Variants in CBFA2T3 observed in about 807,000 individuals in gnomAD.
CBFA2T3 encodes the protein transcriptional corepressor CBFA2T3.
CBFA2T3 carries 31 observed loss-of-function variants against 58.6 expected under a neutral mutation model. That is an observed-to-expected ratio of 0.53 (90% CI 0.40 to 0.71). The LOEUF is 0.71. CBFA2T3 is among the 30% of genes least tolerant of loss of function. CBFA2T3 has a pLI of 0.00. For synonymous variants in CBFA2T3, 531 were observed against 421.9 expected (o/e 1.26, Z -3.17); for missense variants, 1,076 against 963.1 (o/e 1.12, Z -1.55).
intron 1 of CBFA2T3, among the ~76,000 whole-genome samples, chr16:88,922,563 A>T (rs535073070): frequency 1.3e-5 from 2 of 152,350 alleles, no homozygotes; most frequent in African/African-American, 4.8e-5. Flanking sequence ...ACATTCTGCA[A>T]GCAGTCTGCC....
intron 1 of CBFA2T3, chr16:88,938,754 T>A (rs965073543): frequency 1.3e-5 from 2 of 152,122 alleles, no homozygotes; most frequent in Admixed American, 6.5e-5. Context: ...TGCTTCTGGT[T>A]CCTCCCTGCC....
At chr16:88,913,832 T>C (rs1970604075) in intron 1 of CBFA2T3, among the ~76,000 whole-genome samples, 1 of 152,170 alleles carries the variant, frequency 6.6e-6, no homozygotes, top group South Asian at 2.1e-4. Flanking sequence ...CTAAGGAACC[T>C]GAAAATCACA....
chr16:88,875,632 C>T lies in CBFA2T3; in HGVS notation c.*1344G>A, dbSNP rs376657173. On this transcript the variant is annotated 3_prime_UTR_variant, in exon 12 of 12. Transcript: ENST00000268679. The stretch of plus-strand genomic sequence containing the variant: ...GAGGTCGGAGCTGGGGTGAGGGGGC[C>T]GAGAGAGGTCGGAGGGCGCGGAGAG... 6.4e-5 allele frequency: 15 copies of T among 233,138 alleles called. No homozygotes were observed. The highest frequency in any genetic ancestry group is 6.0e-4 in the East Asian group (10 of 16,562). 14.4% of individuals were successfully genotyped at this position (233,138 alleles called of 1,614,324 possible).
rs143017183 is a variant in CBFA2T3, at chr16:88,899,295, C to A, written c.305-1143G>T. Among the ~76,000 whole-genome samples, 1,016 of 152,194 alleles carry A rather than the reference C, an allele frequency of 6.7e-3. 15 individuals carry two copies. Among genetic ancestry groups the A allele is most frequent in the African/African-American group, 0.023 (955 of 41,522 alleles). ...CACCCACCAGCCAGGGGCAGGGGTG[C>A]GGCCAACCACCTGGCTTTCACGGAA... On this transcript the variant is annotated intron_variant, in intron 2 of 11. Coordinates refer to ENST00000268679, the MANE Select transcript of CBFA2T3 (RefSeq NM_005187.6).
chr16:88,948,358 G>C (rs1464650101), intron 1 of CBFA2T3, among the ~76,000 whole-genome samples: 2 of 152,256 alleles, frequency 1.3e-5, no homozygotes, highest in Non-Finnish European at 2.9e-5. Flanking sequence ...GCAGAGAGAC[G>C]TTGGTCTTTC....
At chr16:88,963,590 A>G (rs1972422421) in intron 1 of CBFA2T3, among the ~76,000 whole-genome samples, 1 of 151,886 alleles carries the variant, frequency 6.6e-6, no homozygotes, top group African/African-American at 2.4e-5. Context: ...GTCTCTGTGG[A>G]TTTGTTATCG....
At chr16:88,935,916 T>A (rs1597754323) in intron 1 of CBFA2T3, among the ~76,000 whole-genome samples, 1 of 152,216 alleles carries the variant, frequency 6.6e-6, no homozygotes, top group East Asian at 1.9e-4. Flanking sequence ...GTGGTGTAGG[T>A]CACGCAGCTG....
At chr16:88,896,869 C>T (rs1167847819) in intron 3 of CBFA2T3, among the ~76,000 whole-genome samples, 2 of 152,282 alleles carry the variant, frequency 1.3e-5, no homozygotes, top group East Asian at 1.9e-4. Flanking sequence ...GCGGCCTGCT[C>T]GCCCTCGCCT....
chr16:88,961,632 C>T (rs372470809), intron 1 of CBFA2T3, among the ~76,000 whole-genome samples: 1 of 118,070 alleles, frequency 8.5e-6, no homozygotes. Flanking sequence ...GGCATTCCCA[C>T]TCCATAGTAA....
chr16:88,970,919 C>T (rs181067270), intron 1 of CBFA2T3, among the ~76,000 whole-genome samples: 5 of 152,040 alleles, frequency 3.3e-5, no homozygotes, highest in Non-Finnish European at 7.4e-5. Flanking sequence ...AGAGGAACAC[C>T]GAGGGAAGGA....
intron 11 of CBFA2T3, among the ~76,000 whole-genome samples, chr16:88,878,532 C>T (rs1047984608): frequency 2.6e-5 from 4 of 152,250 alleles, no homozygotes; most frequent in Non-Finnish European, 5.9e-5. Context: ...CCCAGGTGCA[C>T]GGGCACAAGC....
rs992177034 is a variant in CBFA2T3, at chr16:88,958,201, T to C, written c.151+18456A>G. Among the ~76,000 whole-genome samples, 1 of 152,106 alleles carries C rather than the reference T, an allele frequency of 6.6e-6. No individual in the cohort carries two copies. The highest frequency in any genetic ancestry group is 2.4e-5 in the African/African-American group (1 of 41,414). On this transcript the variant is annotated intron_variant, in intron 1 of 11. Transcript: ENST00000268679. This position sits in a 1 kb window ranked among gnomAD's most constrained non-coding sequence, Gnocchi z 4.0. ...GTCGGGGCCTCAGACGGCAGAAACCTATCCCGAGAGGAAAGGGCCCTGGGC... is the reference window on the plus strand; with the variant it reads ...GTCGGGGCCTCAGACGGCAGAAACCCATCCCGAGAGGAAAGGGCCCTGGGC...
intron 3 of CBFA2T3, among the ~76,000 whole-genome samples, chr16:88,895,382 A>C (rs1383562279): frequency 6.6e-6 from 1 of 152,140 alleles, no homozygotes; most frequent in East Asian, 1.9e-4. Flanking sequence ...CGCCCGGGTC[A>C]GGAAGCTGTG....
intron 2 of CBFA2T3, among the ~76,000 whole-genome samples, chr16:88,900,593 T>C (rs1006115347): frequency 5.3e-5 from 8 of 152,232 alleles, no homozygotes; most frequent in African/African-American, 1.9e-4. Context: ...GGGCTTCGTT[T>C]GAGTTTCAGA....
intron 1 of CBFA2T3, among the ~76,000 whole-genome samples, chr16:88,971,117 CT>C (rs200158469): frequency 2.6e-5 from 4 of 151,122 alleles, no homozygotes; most frequent in African/African-American, 9.7e-5. Flanking sequence ...CTCAATTTTC[CT>C]TTTTTTTTAA....
rs746325762 is a variant in CBFA2T3 at position 88,976,689 on chromosome 16, G to C, written c.119C>G (p.Ser40Cys). The change falls in exon 1 of 12, where the codon TCC becomes TGC. Residue 40 changes from serine (S) to cysteine (C), a missense_variant. Coordinates refer to ENST00000268679, the MANE Select transcript of CBFA2T3 (RefSeq NM_005187.6). ...ESGLLASAGC[S>C]APRGPRKGGP... is the part of the protein sequence containing the mutation. ...GCCCTTCCTGGGACCCCGGGGTGCG[G>C]AGCAGCCGGCAGATGCCAGGAGGCC... is the stretch of plus-strand genomic sequence containing the variant. 17 of 1,562,388 alleles carry C rather than the reference G, an allele frequency of 1.1e-5. No individual in the cohort carries two copies. The East Asian group carries it at 3.8e-4, about 35-fold the overall frequency.
intron 1 of CBFA2T3, among the ~76,000 whole-genome samples, chr16:88,957,931 C>T (rs1198128697): frequency 6.6e-6 from 1 of 152,232 alleles, no homozygotes; most frequent in African/African-American, 2.4e-5. Flanking sequence ...GGTTGCACAC[C>T]TCTGGGGCTT....
intron 1 of CBFA2T3, among the ~76,000 whole-genome samples, chr16:88,924,741 C>A (rs513703): frequency 6.6e-6 from 1 of 152,102 alleles, no homozygotes; most frequent in African/African-American, 2.4e-5. Flanking sequence ...CCCAGCTGGC[C>A]GGACGCGGCG....
chr16:88,913,813 G>A (rs887526071), intron 1 of CBFA2T3, among the ~76,000 whole-genome samples: 3 of 152,150 alleles, frequency 2.0e-5, no homozygotes, highest in East Asian at 1.9e-4. Context: ...TTATCTACTC[G>A]ACACAAAACT....
Sources: allele counts gnomAD v4.1 joint callset (sites outside exome capture counted in the v4.1 genomes callset), GRCh38; gene constraint gnomAD v4.1.1; non-coding constraint Gnocchi (gnomAD v3.1); transcripts MANE v1.5; gene names NCBI Gene and HGNC (gene_info 2026-07-23, HGNC 2026-07-21).